SNTG2: variants seen among roughly 807,000 people sequenced by gnomAD.
The protein encoded by SNTG2 is syntrophin gamma 2, also known as gamma-2-syntrophin.
In SNTG2, 74 loss-of-function variants were observed where a neutral mutation model predicts 70.9. That is an observed-to-expected ratio of 1.04 (90% CI 0.86 to 1.27). SNTG2 has a LOEUF of 1.27. SNTG2 is among the 50% of genes most tolerant of loss of function. SNTG2 has a pLI of 0.00. For synonymous variants in SNTG2, 278 were observed against 273.8 expected, an observed-to-expected ratio of 1.02 and a Z score of -0.15; for missense variants, 717 against 690.7, an observed-to-expected ratio of 1.04 and a Z score of -0.43.
At chr2:1,111,389 C>T (rs747411924) in intron 4 of SNTG2, among the ~76,000 whole-genome samples, 4 of 152,186 alleles carry the variant, frequency 2.6e-5, no homozygotes, top group African/African-American at 4.8e-5. Context: ...AGCGTACGGC[C>T]GGGCCCCTCT....
chr2:1,122,962 G>GA (rs1558427342), intron 4 of SNTG2, among the ~76,000 whole-genome samples: 1 of 151,830 alleles, frequency 6.6e-6, no homozygotes, highest in African/African-American at 2.4e-5. Flanking sequence ...GCAAGCATCA[G>GA]AAAAAAATAA....
Position 1,221,274 on chromosome 2 carries a change from TCTCTGC to T in SNTG2, c.719+12049_719+12054del, listed in dbSNP as rs1309292466. ...TCTGTCTCTCAGAGGTCTGTCTCTG[TCTCTGC>T]CTCTCTCTGTCTCTCTGTCCCTCTC... On this transcript the variant is annotated intron_variant, in intron 9 of 16. Coordinates refer to ENST00000308624, the MANE Select transcript of SNTG2 (RefSeq NM_018968.4). 3.3e-5 allele frequency among the ~76,000 whole-genome samples: 5 copies of T among 151,414 alleles called. No individual in the cohort carries two copies. The East Asian group carries it at 7.8e-4, about 24-fold the overall frequency.
intron 16 of SNTG2, 69 bp downstream of exon 16, chr2:1,316,444 G>A: frequency 4.1e-6 from 3 of 731,736 alleles, no homozygotes; most frequent in South Asian, 2.1e-5. Context: ...AGGGTCCGCT[G>A]GTAAAAATCT....
chr2:1,230,372 C>A (rs1296159795), intron 9 of SNTG2, among the ~76,000 whole-genome samples: 2 of 152,114 alleles, frequency 1.3e-5, no homozygotes, highest in Admixed American at 1.3e-4. Context: ...GACTCAGGAG[C>A]AGTTTACAGA....
At chr2:984,848 CA>C (rs1484559811) in intron 1 of SNTG2, among the ~76,000 whole-genome samples, 1 of 152,168 alleles carries the variant, frequency 6.6e-6, no homozygotes, top group Non-Finnish European at 1.5e-5. Flanking sequence ...CTTAGGTCTT[CA>C]AGTCTAATGC....
intron 13 of SNTG2, among the ~76,000 whole-genome samples, chr2:1,264,300 C>T (rs1678607590): frequency 6.6e-6 from 1 of 152,222 alleles, no homozygotes; most frequent in Non-Finnish European, 1.5e-5. Context: ...AACTGGAGCA[C>T]ATAGTGTGAC....
intron 11 of SNTG2, among the ~76,000 whole-genome samples, chr2:1,241,679 G>C (rs928930926): frequency 6.6e-6 from 1 of 152,124 alleles, no homozygotes; most frequent in Non-Finnish European, 1.5e-5. Flanking sequence ...ATGAAATAAT[G>C]GTTCAGAGAA....
intron 4 of SNTG2, among the ~76,000 whole-genome samples, chr2:1,121,873 C>T (rs985356762): frequency 2.6e-5 from 4 of 151,934 alleles, no homozygotes; most frequent in Non-Finnish European, 5.9e-5. Context: ...CAAAGCCTAA[C>T]CATATTATAA....
In SNTG2 at chr2:980,695, TAC is replaced by T. The variant is rs10648703; in HGVS notation, c.72+29651_72+29652del. Among the ~76,000 whole-genome samples, 891 of 149,850 alleles carry T rather than the reference TAC, an allele frequency of 5.9e-3. 7 individuals are homozygous for T. The highest frequency in any genetic ancestry group is 0.031 in the East Asian group (158 of 5,078). On this transcript the variant is annotated intron_variant, in intron 1 of 16. Coordinates refer to ENST00000308624, the MANE Select transcript of SNTG2 (RefSeq NM_018968.4). ...TAGGCCTAGTGTTTATAGACACATG[TAC>T]ACACACACACACACACACACACATT... is the stretch of plus-strand genomic sequence containing the variant.
intron 16 of SNTG2, among the ~76,000 whole-genome samples, chr2:1,328,660 T>G (rs1320372953): frequency 6.6e-6 from 1 of 152,176 alleles, no homozygotes; most frequent in African/African-American, 2.4e-5. Context: ...TTTCACATTA[T>G]CCTTGGCAAA....
chr2:1,098,074 A>C (rs1665511135), intron 2 of SNTG2, 122 bp from the exon 3 acceptor site: 2 of 1,100,050 alleles, frequency 1.8e-6, no homozygotes, highest in East Asian at 4.7e-5. Context: ...ATATTTAGCC[A>C]AAGTTGCTTT....
chr2:1,087,194 G>A (rs1024998298), intron 2 of SNTG2, among the ~76,000 whole-genome samples: 1 of 152,196 alleles, frequency 6.6e-6, no homozygotes, highest in Non-Finnish European at 1.5e-5. Context: ...AAAGACAGCG[G>A]CACTTCCTTC....
At chr2:1,288,948 G>T (rs931554786) in intron 14 of SNTG2, among the ~76,000 whole-genome samples, 9 of 152,098 alleles carry the variant, frequency 5.9e-5, no homozygotes, top group Admixed American at 5.2e-4. Context: ...TCAGATTTCT[G>T]GTCTACTCTT....
At chr2:1,101,643 CA>C (rs1665787175) in intron 4 of SNTG2, among the ~76,000 whole-genome samples, 1 of 152,144 alleles carries the variant, frequency 6.6e-6, no homozygotes, top group South Asian at 2.1e-4. Context: ...TGCTGGAGCC[CA>C]GGAGAGCATA....
At chr2:1,117,225 CTT>C (rs994293892) in intron 4 of SNTG2, among the ~76,000 whole-genome samples, 1 of 152,050 alleles carries the variant, frequency 6.6e-6, no homozygotes, top group Non-Finnish European at 1.5e-5. Context: ...ATGATTGAGT[CTT>C]TTTCTAATTC....
chr2:1,085,785 G>A (rs192684021), intron 2 of SNTG2, among the ~76,000 whole-genome samples: 48 of 152,326 alleles, frequency 3.2e-4, no homozygotes, highest in Non-Finnish European at 6.0e-4. Flanking sequence ...TTCAGGACGG[G>A]AGAGCCGGCT....
chr2:1,357,640 C>A (rs1660923215), intron 16 of SNTG2, among the ~76,000 whole-genome samples: 1 of 152,104 alleles, frequency 6.6e-6, no homozygotes, highest in Non-Finnish European at 1.5e-5. Context: ...GGAGCCATCT[C>A]TTCCTCATTT....
intron 9 of SNTG2, among the ~76,000 whole-genome samples, chr2:1,232,355 A>G (rs570646679): frequency 6.6e-6 from 1 of 152,090 alleles, no homozygotes; most frequent in Non-Finnish European, 1.5e-5. Flanking sequence ...GCCAGAGTGC[A>G]GTGATATGAT....
chr2:1,134,995 G>A lies in SNTG2; in HGVS notation c.326-2627G>A, dbSNP rs535501852. 2.4e-4 allele frequency among the ~76,000 whole-genome samples: 37 copies of A among 152,280 alleles called. 1 individual carries two copies. The highest frequency in any genetic ancestry group is 1.0e-3 in the South Asian group (5 of 4,818). Reference sequence around the variant, plus strand: ...TAAGCCCCTCATTGAGACAGACGCTGGGCTGCAATTCATCGTCATCTCATT... The same window carrying A: ...TAAGCCCCTCATTGAGACAGACGCTAGGCTGCAATTCATCGTCATCTCATT... On this transcript the variant is annotated intron_variant, in intron 4 of 16. Transcript: ENST00000308624.
Sources: gnomAD v4.1 joint callset for allele counts (sites outside exome capture counted in the v4.1 genomes callset) on GRCh38, gnomAD v4.1.1 for gene constraint, MANE v1.5 for transcripts, NCBI Gene and HGNC (gene_info 2026-07-23, HGNC 2026-07-21) for gene names.